Variants in CCNY observed in about 807,000 individuals in gnomAD.
CCNY encodes the protein cyclin-Y.
A neutral mutation model predicts 42.8 loss-of-function variants in CCNY; 19 were observed. The ratio of observed to expected loss-of-function variants is 0.44; its 90% CI spans 0.31 to 0.65. The LOEUF is 0.65. CCNY is among the 30% of genes least tolerant of loss of function. The probability of loss-of-function intolerance (pLI) is 0.07; values close to 1 mark genes in which losing one functional copy is unlikely to be tolerated. For synonymous variants in CCNY, 165 were observed against 162.7 expected (o/e 1.01, Z -0.11); for missense variants, 370 against 437.3 (o/e 0.85, Z 1.37).
At chr10:35,327,615 T>C (rs530729663) in intron 3 of CCNY, 1 of 152,350 alleles carries the variant, frequency 6.6e-6, no homozygotes, top group African/African-American at 2.4e-5. Context: ...TTTGCAATAT[T>C]ACAATGTTCA....
intron 7 of CCNY, among the ~76,000 whole-genome samples, chr10:35,535,566 CAG>C (rs757241293): frequency 3.9e-5 from 6 of 152,000 alleles, no homozygotes; most frequent in African/African-American, 1.2e-4. Context: ...GTATGAGAGA[CAG>C]AGTGAGTGTT....
intron 7 of CCNY, among the ~76,000 whole-genome samples, chr10:35,533,249 G>C (rs909762877): frequency 2.0e-5 from 3 of 152,150 alleles, no homozygotes; most frequent in Non-Finnish European, 2.9e-5. Flanking sequence ...ATGTTCATCT[G>C]TAGAAAAATC....
chr10:35,514,793 T>G (rs1840395199), intron 3 of CCNY, among the ~76,000 whole-genome samples: 1 of 152,262 alleles, frequency 6.6e-6, no homozygotes, highest in Non-Finnish European at 1.5e-5. Flanking sequence ...TCTAAAAGTT[T>G]ATTAACACCA....
At chr10:35,313,497 A>G (rs1293661865) in intron 3 of CCNY, among the ~76,000 whole-genome samples, 1 of 151,968 alleles carries the variant, frequency 6.6e-6, no homozygotes, top group Non-Finnish European at 1.5e-5. Context: ...GCACTTTTTC[A>G]CTGTCAACAA....
At chr10:35,290,582 T>C (rs1564359768) in intron 3 of CCNY, among the ~76,000 whole-genome samples, 2 of 152,368 alleles carry the variant, frequency 1.3e-5, no homozygotes, top group East Asian at 1.9e-4. Flanking sequence ...TCACATACTA[T>C]ACAATTCACT....
chr10:35,419,533 C>CTTTTTTTTTTTTTTTTTTTTTTTTTTTT lies in CCNY; in HGVS notation c.155-63856_155-63855insTTTTTTTTTTTTTTTTTTTTTTTTTTTT, dbSNP rs34429228. On this transcript the variant is annotated intron_variant, in intron 1 of 9. Transcript: ENST00000374704. The stretch of plus-strand genomic sequence containing the variant: ...AGGACTGGGTTGCATTAGACCGTTC[C>CTTTTTTTTTTTTTTTTTTTTTTTTTTTT]TTTTTTTTTTTTTTTAGCAATCTGG... 1.1e-3 allele frequency among the ~76,000 whole-genome samples: 145 copies of CTTTTTTTTTTTTTTTTTTTTTTTTTTTT among 129,622 alleles called. 7 individuals carry two copies. Among genetic ancestry groups the CTTTTTTTTTTTTTTTTTTTTTTTTTTTT allele is most frequent in the African/African-American group, 4.1e-3 (130 of 31,672 alleles). 85.0% of individuals were successfully genotyped at this position (129,622 alleles called of 152,430 possible). A position where few individuals can be genotyped will look rare whatever the true frequency, so the allele number is the denominator to read the frequency against.
chr10:35,558,810 G>C (rs1841410221), intron 8 of CCNY, among the ~76,000 whole-genome samples: 1 of 152,214 alleles, frequency 6.6e-6, no homozygotes, highest in Non-Finnish European at 1.5e-5. Context: ...CTCTAGAATT[G>C]TGAGAAAATA....
Position 35,267,582 on chromosome 10 carries a change from A to G in CCNY, c.-9+16956A>G, listed in dbSNP as rs947528749. ...TAGATTTGGTCTGAGTCTGGCAGGA[A>G]GCCAGAGGAGAGGTTCTGACAATGA... On this transcript the variant is annotated intron_variant, in intron 3 of 11. Coordinates refer to the CCNY transcript ENST00000374706. Among the ~76,000 whole-genome samples the G allele has an allele frequency of 2.6e-5, 4 of 152,200 alleles. No individual in the cohort carries two copies. In the East Asian group the frequency reaches 7.7e-4, roughly 29 times the overall value.
intron 1 of CCNY, among the ~76,000 whole-genome samples, chr10:35,359,513 T>G (rs1437970451): frequency 6.6e-6 from 1 of 150,570 alleles, no homozygotes; most frequent in Non-Finnish European, 1.5e-5. Context: ...ATTATTATTA[T>G]TTTTTTTTGT....
chr10:35,390,284 G>T (rs949256842), intron 1 of CCNY, among the ~76,000 whole-genome samples: 3 of 152,172 alleles, frequency 2.0e-5, no homozygotes, highest in African/African-American at 7.2e-5. Context: ...CCCCAAAATA[G>T]TTGCCCAGGA....
chr10:35,510,607 G>A (rs931473309), intron 3 of CCNY, among the ~76,000 whole-genome samples: 6 of 152,160 alleles, frequency 3.9e-5, no homozygotes, highest in Non-Finnish European at 8.8e-5. Flanking sequence ...AAAGCCTAGA[G>A]ACTCTTAAGT....
chr10:35,355,678 CAAAAAAAAAAAAAAAAA>C (rs60257114), intron 1 of CCNY, among the ~76,000 whole-genome samples: 1 of 57,416 alleles, frequency 1.7e-5, no homozygotes, highest in African/African-American at 8.2e-5. Flanking sequence ...ATACTGTCTC[CAAAAAAAAAAAAAAAAA>C]AAAAAAAAAA....
chr10:35,344,168 T>TGTCTTTCCTGAAGAAAGGAGAGGCTCA lies in CCNY; in HGVS notation c.154+6962_154+6988dup, dbSNP rs1410237635. 6.0e-4 allele frequency among the ~76,000 whole-genome samples: 92 copies of TGTCTTTCCTGAAGAAAGGAGAGGCTCA among 152,324 alleles called. 1 individual carries two copies. Among genetic ancestry groups the TGTCTTTCCTGAAGAAAGGAGAGGCTCA allele is most frequent in the African/African-American group, 2.1e-3 (87 of 41,580 alleles). On this transcript the variant is annotated intron_variant, in intron 1 of 9. Transcript: ENST00000374704. ...TCTGATTCTCAGCATTATTCTAGCC[T>TGTCTTTCCTGAAGAAAGGAGAGGCTCA]GTCTTTCCTGAAGAAAGGAGAGGCT...
chr10:35,426,151 A>ACACACC (rs1838266276), intron 1 of CCNY, among the ~76,000 whole-genome samples: 2 of 149,916 alleles, frequency 1.3e-5, no homozygotes, highest in South Asian at 4.2e-4. Context: ...ACACACACAC[A>ACACACC]CACACACAGA....
intron 1 of CCNY, among the ~76,000 whole-genome samples, chr10:35,475,972 A>C (rs1317029749): frequency 6.6e-6 from 1 of 152,206 alleles, no homozygotes; most frequent in Non-Finnish European, 1.5e-5. Flanking sequence ...AAACAAAAAA[A>C]GGCAGGGGTT....
At chr10:35,521,850 A>C (rs1034846024) in intron 4 of CCNY, among the ~76,000 whole-genome samples, 5 of 152,074 alleles carry the variant, frequency 3.3e-5, no homozygotes, top group Non-Finnish European at 7.4e-5. Context: ...GGTCCCTTGG[A>C]TGGGGCTTCG....
intron 3 of CCNY, among the ~76,000 whole-genome samples, chr10:35,301,570 C>A (rs1045908218): frequency 3.3e-5 from 5 of 152,162 alleles, no homozygotes; most frequent in African/African-American, 1.2e-4. Flanking sequence ...ATATTTGAGC[C>A]TGACAAATTA....
At chr10:35,334,104 G>A (rs193177069), upstream of CCNY, among the ~76,000 whole-genome samples, 12 of 152,142 alleles carry the variant, frequency 7.9e-5, no homozygotes, top group Middle Eastern at 3.4e-3. Context: ...CCTTTGTTAA[G>A]GGTATGTGGC....
At chr10:35,461,578 C>T (rs1839158794) in intron 1 of CCNY, among the ~76,000 whole-genome samples, 1 of 152,026 alleles carries the variant, frequency 6.6e-6, no homozygotes, top group African/African-American at 2.4e-5. Flanking sequence ...CAGTTGGGCC[C>T]AGGAGAAGGT....
Sources: allele counts gnomAD v4.1 joint callset (sites outside exome capture counted in the v4.1 genomes callset), GRCh38; gene constraint gnomAD v4.1.1; transcripts MANE v1.5; gene names NCBI Gene and HGNC (gene_info 2026-07-23, HGNC 2026-07-21).